Variants in MYOM1 observed in about 807,000 individuals in gnomAD.
The protein encoded by MYOM1 is myomesin 1.
In MYOM1, 164 loss-of-function variants were observed where a neutral mutation model predicts 205.3. The ratio of observed to expected loss-of-function variants is 0.80; its 90% CI spans 0.70 to 0.91. The LOEUF (loss-of-function observed/expected upper bound fraction) is 0.91. Among genes scored for constraint, MYOM1 ranks in the 40% least tolerant of loss-of-function variants. MYOM1 has a pLI of 0.00. For synonymous variants in MYOM1, 772 were observed against 789.4 expected (o/e 0.98, Z 0.37); for missense variants, 2,011 against 2,127.3 (o/e 0.95, Z 1.08).
At position 3,083,869 on chromosome 18, in the gene MYOM1, G is replaced by T; in HGVS notation, c.4404C>A (p.Ile1468=). The T allele has an allele frequency of 1.3e-6, 2 of 1,582,940 alleles. No homozygotes were observed. Among genetic ancestry groups the T allele is most frequent in the Non-Finnish European group, 1.7e-6 (2 of 1,163,112 alleles). Residue 1468 remains isoleucine, a synonymous_variant, in exon 33 of 38, where the codon ATC becomes ATA. Coordinates refer to ENST00000356443, the MANE Select transcript of MYOM1 (RefSeq NM_003803.4). ...KIALSATDLK[I]QSTAEGIQLY... ...GTTGGATGCCCTCGGCTGTGCTCTG[G>T]ATTTTCAGGTCTGTAGCAGACAAAG...
chr18:3,193,819 G>A lies in MYOM1; in HGVS notation c.430C>T (p.Arg144Cys), dbSNP rs760518311. 1.1e-5 allele frequency: 17 copies of A among 1,611,752 alleles called. No homozygotes were observed. Among genetic ancestry groups the A allele is most frequent in the African/African-American group, 6.7e-5 (5 of 74,816 alleles). ...SDYMVPIFSG[R>C]QKHVSGITDT... ...GCCAGGAAGAAAAAGCACACTCACC[G>A]TCCTGAGAAAATGGGTACCATGTAG... The change falls in exon 3 of 38, where the codon CGT becomes TGT. Residue 144 changes from arginine (R) to cysteine (C), a missense_variant and splice_region_variant. Transcript: ENST00000356443.
intron 12 of MYOM1, among the ~76,000 whole-genome samples, chr18:3,149,761 G>C (rs1050964153): frequency 6.6e-6 from 1 of 152,108 alleles, no homozygotes; most frequent in African/African-American, 2.4e-5. Context: ...AAGTTAAAGA[G>C]GAAATTCACT....
At chr18:3,236,201 T>G in the MYOM1 span, among the ~76,000 whole-genome samples, 1 of 152,134 alleles carries the variant, frequency 6.6e-6, no homozygotes, top group Non-Finnish European at 1.5e-5. Flanking sequence ...GGCAGAACAA[T>G]GATGTGCTCT....
chr18:3,227,803 G>A, the MYOM1 span, among the ~76,000 whole-genome samples: 3 of 151,984 alleles, frequency 2.0e-5, no homozygotes, highest in African/African-American at 7.3e-5. Context: ...GGGGCCGTAC[G>A]AGACTCCATC....
intron 23 of MYOM1, among the ~76,000 whole-genome samples, 151 bp from the exon 24 acceptor site, chr18:3,100,577 C>G (rs1404088947): frequency 6.6e-6 from 1 of 152,176 alleles, no homozygotes; most frequent in Non-Finnish European, 1.5e-5. Context: ...TTCTTGGTGT[C>G]TCAGATTCAA....
chr18:3,195,354 G>T (rs1431688423), intron 2 of MYOM1, among the ~76,000 whole-genome samples: 1 of 152,182 alleles, frequency 6.6e-6, no homozygotes, highest in Non-Finnish European at 1.5e-5. Flanking sequence ...TAAGCTTGTG[G>T]ATTGGTTACA....
intron 34 of MYOM1, among the ~76,000 whole-genome samples, chr18:3,077,481 A>AT (rs777984414): frequency 1.3e-5 from 2 of 152,036 alleles, no homozygotes; most frequent in African/African-American, 4.8e-5. Flanking sequence ...GCTAGTCCTG[A>AT]TTTTTTCTCA....
intron 2 of MYOM1, among the ~76,000 whole-genome samples, chr18:3,207,420 T>C (rs1220769696): frequency 2.0e-5 from 3 of 152,206 alleles, no homozygotes; most frequent in Non-Finnish European, 2.9e-5. Context: ...AAGTCTAAGG[T>C]TGTTTCTTTG....
chr18:3,155,424 C>T (rs946702428), intron 10 of MYOM1, among the ~76,000 whole-genome samples: 1 of 152,192 alleles, frequency 6.6e-6, no homozygotes, highest in Non-Finnish European at 1.5e-5. Flanking sequence ...TGGGGTTTCA[C>T]CGTGTTAGCC....
At chr18:3,102,731 C>A in intron 22 of MYOM1, 101 bp from the exon 23 acceptor site, 1 of 1,269,288 alleles carries the variant, frequency 7.9e-7, no homozygotes. Context: ...AAGTAGGGCC[C>A]TGATCCTAGG....
intron 13 of MYOM1, 39 bp downstream of exon 13, chr18:3,149,106 A>G: frequency 6.3e-7 from 1 of 1,588,724 alleles, no homozygotes; most frequent in Non-Finnish European, 8.6e-7. Flanking sequence ...TGCTTAGCAA[A>G]ACATCAGCAA....
At position 3,129,491 on chromosome 18, in the gene MYOM1, G is replaced by A. The variant is rs1307620327; in HGVS notation, c.2535C>T (p.Pro845=). ...IGGGVSPDVC[P]ALSDEPGGLT... is the part of the protein sequence containing the mutation. ...GTCCACCAGGCTCATCGCTCAGTGC[G>A]GGACACACATCTGGAGACACTCCTC... Residue 845 remains proline (P), a synonymous_variant, in exon 18 of 38, where the codon CCC becomes CCT. Coordinates refer to ENST00000356443, the MANE Select transcript of MYOM1 (RefSeq NM_003803.4). 2.5e-6 allele frequency: 4 copies of A among 1,613,488 alleles called. No individual in the cohort carries two copies. The highest frequency in any genetic ancestry group is 3.4e-6 in the Non-Finnish European group (4 of 1,179,612).
chr18:3,071,027 G>A (rs2078953669), intron 37 of MYOM1, among the ~76,000 whole-genome samples: 1 of 152,080 alleles, frequency 6.6e-6, no homozygotes, highest in Non-Finnish European at 1.5e-5. Flanking sequence ...CCAAAGTGTT[G>A]AGATTACAGG....
intron 12 of MYOM1, among the ~76,000 whole-genome samples, chr18:3,149,802 A>C (rs1211430358): frequency 6.6e-6 from 1 of 152,184 alleles, no homozygotes; most frequent in African/African-American, 2.4e-5. Flanking sequence ...AGAAAGACAG[A>C]GTAGTTCTAC....
In MYOM1 at chr18:3,116,541, A is replaced by G. The variant is rs17177451; in HGVS notation, c.3119-26T>C. On this transcript the variant is annotated intron_variant, in intron 20 of 37. Coordinates refer to ENST00000356443, the MANE Select transcript of MYOM1 (RefSeq NM_003803.4). Reference sequence around the variant, plus strand: ...CTGAGAGAGAGAGAAGCCAATGAGTAGAAATCATAACAGAGAAAACTCGTC... The same window carrying G: ...CTGAGAGAGAGAGAAGCCAATGAGTGGAAATCATAACAGAGAAAACTCGTC... 2,668 of 1,493,850 alleles carry G rather than the reference A, an allele frequency of 1.8e-3. 38 individuals are homozygous for G. The African/African-American group carries it at 0.029, about 16-fold the overall frequency. 92.5% of individuals were successfully genotyped at this position (1,493,850 alleles called of 1,614,324 possible).
chr18:3,158,391 C>T (rs1387831654), intron 10 of MYOM1, among the ~76,000 whole-genome samples: 1 of 152,118 alleles, frequency 6.6e-6, no homozygotes, highest in East Asian at 1.9e-4. Context: ...AATTTTCCCC[C>T]AAACATTTTT....
chr18:3,199,087 G>T (rs1469184950), intron 2 of MYOM1, among the ~76,000 whole-genome samples: 1 of 152,184 alleles, frequency 6.6e-6, no homozygotes, highest in Non-Finnish European at 1.5e-5. Flanking sequence ...TATGAGCAGG[G>T]TGTCATTCCT....
intron 2 of MYOM1, among the ~76,000 whole-genome samples, chr18:3,197,695 A>C (rs909398815): frequency 4.6e-5 from 7 of 151,700 alleles, no homozygotes; most frequent in Non-Finnish European, 1.0e-4. Flanking sequence ...AACATGGTGA[A>C]ACCCCGTCTT....
chr18:3,157,132 C>T (rs992473621), intron 10 of MYOM1, among the ~76,000 whole-genome samples: 1 of 152,118 alleles, frequency 6.6e-6, no homozygotes, highest in African/African-American at 2.4e-5. Context: ...ACCAGGAGCC[C>T]CTGCATTGAT....
Sources: allele counts gnomAD v4.1 joint callset (sites outside exome capture counted in the v4.1 genomes callset), GRCh38; gene constraint gnomAD v4.1.1; transcripts MANE v1.5; gene names NCBI Gene and HGNC (gene_info 2026-07-23, HGNC 2026-07-21).